The following EDN1 variants were observed in gnomAD, a reference collection of about 807,000 sequenced individuals.
The protein encoded by EDN1 is endothelin-1.
EDN1 carries 11 observed loss-of-function variants against 21.7 expected under a neutral mutation model. That is an observed-to-expected ratio of 0.51 (90% confidence interval 0.32 to 0.84). The LOEUF (loss-of-function observed/expected upper bound fraction) is 0.84. Among genes scored for constraint, EDN1 ranks in the 40% least tolerant of loss-of-function variants. The probability of loss-of-function intolerance (pLI) is 0.03; values close to 1 mark genes in which losing one functional copy is unlikely to be tolerated. For missense variants in EDN1, 244 were observed against 262.3 expected, an observed-to-expected ratio of 0.93 and a Z score of 0.48; for synonymous variants, 85 against 90.6, an observed-to-expected ratio of 0.94 and a Z score of 0.35.
At chr6:12,232,217 T>G in the EDN1 span, among the ~76,000 whole-genome samples, 2 of 147,484 alleles carry the variant, frequency 1.4e-5, no homozygotes, top group Non-Finnish European at 3.0e-5. Context: ...TAATAAAGTA[T>G]ATGTTATAAT....
At chr6:12,281,127 T>C in the EDN1 span, among the ~76,000 whole-genome samples, 1 of 152,174 alleles carries the variant, frequency 6.6e-6, no homozygotes, top group South Asian at 2.1e-4. Flanking sequence ...GACTGCCTGA[T>C]TCTTCCTCTT....
At chr6:12,243,307 G>A in the EDN1 span, among the ~76,000 whole-genome samples, 7 of 143,328 alleles carry the variant, frequency 4.9e-5, no homozygotes, top group African/African-American at 1.4e-4. Context: ...GAGGAGGAGA[G>A]GAGGAGGAGG....
rs1405287124 is a variant in EDN1 at position 12,296,218 on chromosome 6, A to G, written c.*151A>G. 4 of 719,182 alleles carry G rather than the reference A, an allele frequency of 5.6e-6. No individual in the cohort carries two copies. In the African/African-American group the frequency reaches 7.0e-5, roughly 13 times the overall value. 44.6% of individuals were successfully genotyped at this position (719,182 alleles called of 1,614,324 possible). On this transcript the variant is annotated 3_prime_UTR_variant, in exon 5 of 5. Coordinates refer to ENST00000379375, the MANE Select transcript of EDN1 (RefSeq NM_001955.5). ...CAGCGTCCTCGTTCAAAACATTCCA[A>G]GAAAGGTTAAGGAGTTCCCCCAACC... is the stretch of plus-strand genomic sequence containing the variant.
chr6:12,242,769 T>C, the EDN1 span, among the ~76,000 whole-genome samples: 1 of 152,164 alleles, frequency 6.6e-6, no homozygotes, highest in Admixed American at 6.5e-5. Flanking sequence ...CTGACCTTTC[T>C]GTTTCTCCAG....
the EDN1 span, among the ~76,000 whole-genome samples, chr6:12,248,947 T>A: frequency 1.3e-5 from 2 of 152,244 alleles, no homozygotes; most frequent in African/African-American, 4.8e-5. Flanking sequence ...TTGGCAATTT[T>A]GGGTTTGATC....
chr6:12,260,542 C>G, the EDN1 span, among the ~76,000 whole-genome samples: 2 of 152,150 alleles, frequency 1.3e-5, no homozygotes, highest in Non-Finnish European at 2.9e-5. Flanking sequence ...AATTTCAGCT[C>G]TCAGTGCATA....
At chr6:12,288,743 A>G (rs929114116), upstream of EDN1, among the ~76,000 whole-genome samples, 20 of 152,252 alleles carry the variant, frequency 1.3e-4, no homozygotes, top group South Asian at 6.2e-4. Context: ...GTCCAAACCC[A>G]CGGCTTTGCT....
chr6:12,258,544 A>G, the EDN1 span, among the ~76,000 whole-genome samples: 2 of 151,692 alleles, frequency 1.3e-5, no homozygotes, highest in Non-Finnish European at 2.9e-5. Context: ...GATTTATTTA[A>G]ATGTGAAATA....
At chr6:12,289,911 A>C (rs1244574173), upstream of EDN1, among the ~76,000 whole-genome samples, 4 of 152,220 alleles carry the variant, frequency 2.6e-5, no homozygotes, top group Non-Finnish European at 4.4e-5. Context: ...TGAGACTAGA[A>C]TCGGAGAGAC....
At position 12,297,006 on chromosome 6, in the gene EDN1, TA is replaced by T. The variant is rs1214598723; in HGVS notation, c.*940del. On this transcript the variant is annotated 3_prime_UTR_variant, in exon 5 of 5. Transcript: ENST00000379375. ...AGGTTGGATTGAATTTTGATGTACT[TA>T]TTTTTTTATAGATATTTATATTCAA... is the stretch of plus-strand genomic sequence containing the variant. 6.6e-6 allele frequency: 1 copy of T among 152,234 alleles called. No individual in the cohort carries two copies. The highest frequency in any genetic ancestry group is 1.5e-5 in the Non-Finnish European group (1 of 68,042). 9.4% of individuals were successfully genotyped at this position (152,234 alleles called of 1,614,324 possible). A position where few individuals can be genotyped will look rare whatever the true frequency, so the allele number is the denominator to read the frequency against.
chr6:12,293,758 A>T (rs994807143), intron 2 of EDN1, among the ~76,000 whole-genome samples, 183 bp from the exon 3 acceptor site: 1 of 152,212 alleles, frequency 6.6e-6, no homozygotes, highest in African/African-American at 2.4e-5. Flanking sequence ...GCCTGGATAC[A>T]TACAGTCAGG....
the EDN1 span, among the ~76,000 whole-genome samples, chr6:12,255,113 A>G: frequency 6.6e-6 from 1 of 152,252 alleles, no homozygotes; most frequent in Admixed American, 6.5e-5. Context: ...CATTTTATGA[A>G]GATGAAATGA....
chr6:12,274,646 T>A, the EDN1 span, among the ~76,000 whole-genome samples: 1,390 of 152,092 alleles, frequency 9.1e-3, 29 homozygotes, highest in African/African-American at 0.031. Context: ...TAAATTAGAA[T>A]CATCTACACA....
At chr6:12,276,159 C>T in the EDN1 span, among the ~76,000 whole-genome samples, 1 of 42,040 alleles carries the variant, frequency 2.4e-5, no homozygotes, top group Non-Finnish European at 4.0e-5. Flanking sequence ...AAGACTCCAT[C>T]TCAAAAAAAA....
chr6:12,243,726 T>A, the EDN1 span, among the ~76,000 whole-genome samples: 1 of 152,208 alleles, frequency 6.6e-6, no homozygotes, highest in African/African-American at 2.4e-5. Flanking sequence ...TATAGTTATA[T>A]CCCCAAAAGC....
chr6:12,285,640 C>G (rs571605373), upstream of EDN1, among the ~76,000 whole-genome samples: 1 of 152,224 alleles, frequency 6.6e-6, no homozygotes, highest in Non-Finnish European at 1.5e-5. Context: ...GGCGCAATCT[C>G]GGCTCACCAC....
intron 2 of EDN1, 124 bp downstream of exon 2, chr6:12,292,633 C>T: frequency 1.8e-6 from 2 of 1,101,026 alleles, no homozygotes; most frequent in Non-Finnish European, 2.7e-6. Context: ...CCAAGTGCCT[C>T]AGTGGGGACA....
the EDN1 span, among the ~76,000 whole-genome samples, chr6:12,265,427 G>A: frequency 6.6e-6 from 1 of 152,240 alleles, no homozygotes; most frequent in East Asian, 1.9e-4. Flanking sequence ...TCAGGGTGTG[G>A]TCTAACCCAG....
chr6:12,231,685 A>G, the EDN1 span, among the ~76,000 whole-genome samples: 1 of 152,208 alleles, frequency 6.6e-6, no homozygotes, highest in Non-Finnish European at 1.5e-5. Flanking sequence ...GGAATTGGTG[A>G]AACTGAAAGA....
Sources: gnomAD v4.1 joint callset for allele counts (sites outside exome capture counted in the v4.1 genomes callset) on GRCh38, gnomAD v4.1.1 for gene constraint, MANE v1.5 for transcripts, NCBI Gene and HGNC (gene_info 2026-07-23, HGNC 2026-07-21) for gene names.